HS6ST3: variants seen among roughly 807,000 people sequenced by gnomAD.
HS6ST3 encodes the protein heparan sulfate 6-O-sulfotransferase 3.
In HS6ST3, 12 loss-of-function variants were observed where a neutral mutation model predicts 36.7. That is an observed-to-expected ratio of 0.33 (90% CI 0.21 to 0.53). The LOEUF is 0.53. Among genes scored for constraint, HS6ST3 ranks in the 20% least tolerant of loss-of-function variants. HS6ST3 has a pLI of 0.95. For synonymous variants in HS6ST3, 240 were observed against 257.5 expected (o/e 0.93, Z 0.65); for missense variants, 584 against 640.9 (o/e 0.91, Z 0.96).
At chr13:96,773,067 G>A (rs1877303482) in intron 1 of HS6ST3, among the ~76,000 whole-genome samples, 2 of 152,192 alleles carry the variant, frequency 1.3e-5, no homozygotes, top group Non-Finnish European at 2.9e-5. Context: ...AAGAGGTGGG[G>A]GAACTCCCTC....
intron 1 of HS6ST3, among the ~76,000 whole-genome samples, chr13:96,774,200 A>C (rs1446102943): frequency 2.0e-5 from 3 of 152,216 alleles, no homozygotes; most frequent in African/African-American, 7.2e-5. Context: ...GACCAAAGGT[A>C]GATAAATCCA....
intron 1 of HS6ST3, among the ~76,000 whole-genome samples, chr13:96,441,210 G>A (rs534809580): frequency 1.3e-5 from 2 of 152,160 alleles, no homozygotes; most frequent in African/African-American, 4.8e-5. Flanking sequence ...AATGCTTGTT[G>A]TTTTGAAGCC....
intron 1 of HS6ST3, among the ~76,000 whole-genome samples, chr13:96,178,345 G>T (rs1041189044): frequency 6.6e-6 from 1 of 152,268 alleles, no homozygotes; most frequent in East Asian, 1.9e-4. Flanking sequence ...TGTGATGAGG[G>T]CTGACTTTGG....
intron 1 of HS6ST3, among the ~76,000 whole-genome samples, chr13:96,806,094 A>C (rs1878192732): frequency 6.6e-6 from 1 of 152,178 alleles, no homozygotes; most frequent in Admixed American, 6.6e-5. Context: ...TGTCAATATC[A>C]CTTGTCAAGT....
intron 1 of HS6ST3, among the ~76,000 whole-genome samples, chr13:96,318,405 G>A (rs1213514030): frequency 6.6e-6 from 1 of 152,142 alleles, no homozygotes; most frequent in African/African-American, 2.4e-5. Context: ...GGTGGCAGCT[G>A]CCTGTAATCC....
chr13:96,649,421 A>G (rs2056599973), intron 1 of HS6ST3, among the ~76,000 whole-genome samples: 1 of 152,026 alleles, frequency 6.6e-6, no homozygotes, highest in Non-Finnish European at 1.5e-5. Context: ...CCCATGACAC[A>G]TGGGGTTTAT....
chr13:96,274,841 A>T (rs1306183986), intron 1 of HS6ST3, among the ~76,000 whole-genome samples: 17 of 9,308 alleles, frequency 1.8e-3, no homozygotes, highest in Admixed American at 0.014. Flanking sequence ...TTAGTCCTTC[A>T]CACACACACA....
chr13:96,358,915 T>G (rs1395854674), intron 1 of HS6ST3, among the ~76,000 whole-genome samples: 10 of 146,918 alleles, frequency 6.8e-5, no homozygotes, highest in Admixed American at 2.8e-4. Context: ...TATCTATCTA[T>G]CTAGAGAGAG....
rs773403543 is a variant in HS6ST3, at chr13:96,397,639, C to T, written c.707+306070C>T. 2.6e-5 allele frequency among the ~76,000 whole-genome samples: 4 copies of T among 152,148 alleles called. No homozygotes were observed. In the East Asian group the frequency reaches 5.8e-4, roughly 22 times the overall value. On this transcript the variant is annotated intron_variant, in intron 1 of 1. Transcript: ENST00000376705. ...CCAGAGAAGGTAGTAGGCTGATTTACTGAAGAATCCTGAAAATTTCTTGTC... is the reference window on the plus strand; with the variant it reads ...CCAGAGAAGGTAGTAGGCTGATTTATTGAAGAATCCTGAAAATTTCTTGTC...
chr13:96,678,330 G>A (rs2056706370), intron 1 of HS6ST3, among the ~76,000 whole-genome samples: 1 of 152,044 alleles, frequency 6.6e-6, no homozygotes, highest in South Asian at 2.1e-4. Context: ...ATGCTTTTTA[G>A]GGGACACATT....
intron 1 of HS6ST3, among the ~76,000 whole-genome samples, chr13:96,281,187 G>T (rs1001258688): frequency 9.9e-5 from 15 of 152,052 alleles, no homozygotes; most frequent in African/African-American, 3.6e-4. Flanking sequence ...TATATTTTTA[G>T]TAGAGACGGG....
At chr13:96,288,505 A>C (rs1014809051) in intron 1 of HS6ST3, among the ~76,000 whole-genome samples, 1 of 152,160 alleles carries the variant, frequency 6.6e-6, no homozygotes, top group Non-Finnish European at 1.5e-5. Context: ...GGTATCAGGA[A>C]ATCTATGAAT....
intron 1 of HS6ST3, among the ~76,000 whole-genome samples, chr13:96,342,849 A>G (rs1031308222): frequency 3.9e-5 from 6 of 152,176 alleles, no homozygotes; most frequent in African/African-American, 1.4e-4. Flanking sequence ...TTCAAGAAGA[A>G]ATGTTTCCAT....
At chr13:96,439,598 C>T (rs2055660125) in intron 1 of HS6ST3, among the ~76,000 whole-genome samples, 1 of 152,200 alleles carries the variant, frequency 6.6e-6, no homozygotes, top group Admixed American at 6.5e-5. Context: ...GCTCTTCCTA[C>T]CTGTGCCTCA....
At chr13:96,788,212 T>C (rs950253802) in intron 1 of HS6ST3, among the ~76,000 whole-genome samples, 1 of 150,012 alleles carries the variant, frequency 6.7e-6, no homozygotes, top group Non-Finnish European at 1.5e-5. Flanking sequence ...AAATTGGTTT[T>C]GCTGTGCTTT....
intron 1 of HS6ST3, among the ~76,000 whole-genome samples, chr13:96,258,014 T>C (rs1021079234): frequency 2.2e-5 from 3 of 137,170 alleles, no homozygotes; most frequent in Non-Finnish European, 4.8e-5. Context: ...TTGTCATCAC[T>C]GTCATCAATA....
intron 1 of HS6ST3, among the ~76,000 whole-genome samples, chr13:96,544,606 A>G (rs1200255575): frequency 6.6e-6 from 1 of 152,180 alleles, no homozygotes; most frequent in African/African-American, 2.4e-5. Context: ...TATTCAAGTT[A>G]TTATTATGAT....
intron 1 of HS6ST3, among the ~76,000 whole-genome samples, chr13:96,599,839 C>T (rs1259184644): frequency 6.6e-6 from 1 of 152,012 alleles, no homozygotes; most frequent in Admixed American, 6.6e-5. Context: ...TCACTATTGT[C>T]ATTCATTTTG....
intron 1 of HS6ST3, among the ~76,000 whole-genome samples, chr13:96,366,663 T>A (rs2055264668): frequency 6.6e-6 from 1 of 151,880 alleles, no homozygotes; most frequent in Non-Finnish European, 1.5e-5. Flanking sequence ...ATTCTAGAGG[T>A]AAGACCCAGG....
Sources: allele counts gnomAD v4.1 joint callset (sites outside exome capture counted in the v4.1 genomes callset), GRCh38; gene constraint gnomAD v4.1.1; transcripts MANE v1.5; gene names NCBI Gene and HGNC (gene_info 2026-07-23, HGNC 2026-07-21).